The following PDS5A variants were observed in gnomAD, a reference collection of about 807,000 sequenced individuals.
The protein encoded by PDS5A is sister chromatid cohesion protein PDS5 homolog A.
In PDS5A, 42 loss-of-function variants were observed where a neutral mutation model predicts 167.1. The observed-to-expected ratio is 0.25, with a 90% CI of 0.20 to 0.33. PDS5A has a LOEUF of 0.33. Ranked by LOEUF, PDS5A falls within the 10% of genes least tolerant of loss-of-function variation. The pLI is 1.00. For synonymous variants in PDS5A, 553 were observed against 554.6 expected, an observed-to-expected ratio of 1.00 and a Z score of 0.04; for missense variants, 1,033 against 1,605.9, an observed-to-expected ratio of 0.64 and a Z score of 6.10.
Position 39,844,784 on chromosome 4 carries a change from T to C in PDS5A, c.3420A>G (p.Val1140=), listed in dbSNP as rs748206316. The C allele has an allele frequency of 6.2e-7, 1 of 1,607,932 alleles. No individual in the cohort carries two copies. Among genetic ancestry groups the C allele is most frequent in the South Asian group, 1.1e-5 (1 of 89,628 alleles). ...ATAAAGGCTTATTTACTGCACCTAG[T>C]ACTCCAGCAGGCTTTGGCTAAAAAC... ...LLTGKPKPAG[V]LGAVNKPLSA... Residue 1140 remains valine, a synonymous_variant, in exon 30 of 33, where the codon GTA becomes GTG. Transcript: ENST00000303538.
intron 21 of PDS5A, among the ~76,000 whole-genome samples, chr4:39,870,533 A>G (rs1488463800): frequency 6.6e-6 from 1 of 152,086 alleles, no homozygotes; most frequent in African/African-American, 2.4e-5. Flanking sequence ...GGTTGTGATG[A>G]GCCAAGGTTG....
chr4:39,952,086 T>C (rs1427187497), intron 2 of PDS5A, among the ~76,000 whole-genome samples: 1 of 151,858 alleles, frequency 6.6e-6, no homozygotes, highest in Non-Finnish European at 1.5e-5. Context: ...TCCCAGAACT[T>C]TGGGAGGCAG....
chr4:39,854,720 G>T (rs1166833853), intron 26 of PDS5A, among the ~76,000 whole-genome samples: 3 of 152,166 alleles, frequency 2.0e-5, no homozygotes, highest in East Asian at 1.9e-4. Context: ...AACCTTAAGG[G>T]AATATATATG....
chr4:39,893,770 C>T (rs1374722837), intron 16 of PDS5A, among the ~76,000 whole-genome samples: 1 of 152,144 alleles, frequency 6.6e-6, no homozygotes, highest in Admixed American at 6.5e-5. Context: ...CGTATGAGAA[C>T]ACATAGTTAA....
intron 2 of PDS5A, among the ~76,000 whole-genome samples, chr4:39,962,166 T>G (rs1560521497): frequency 6.6e-6 from 1 of 152,080 alleles, no homozygotes. Flanking sequence ...CACGGCATTC[T>G]CCTGCCTCCA....
intron 29 of PDS5A, among the ~76,000 whole-genome samples, 184 bp from the exon 30 acceptor site, chr4:39,844,985 A>C (rs1717458086): frequency 6.6e-6 from 1 of 152,196 alleles, no homozygotes; most frequent in Admixed American, 6.5e-5. Flanking sequence ...TGGGAGGTGG[A>C]TCACTTGAGG....
chr4:39,907,312 A>G (rs1332639946), intron 11 of PDS5A, among the ~76,000 whole-genome samples: 1 of 152,218 alleles, frequency 6.6e-6, no homozygotes, highest in Admixed American at 6.5e-5. Flanking sequence ...GACAATTTTA[A>G]AAGTAAAAAC....
intron 2 of PDS5A, among the ~76,000 whole-genome samples, chr4:39,946,605 T>TA (rs1347514120): frequency 6.6e-6 from 1 of 152,182 alleles, no homozygotes; most frequent in African/African-American, 2.4e-5. Context: ...GACATGTTAC[T>TA]AATTACCTTA....
rs145551680 is a variant in PDS5A, at chr4:39,875,291, T to C, written c.2154-879A>G. Among the ~76,000 whole-genome samples, 957 of 152,290 alleles carry C rather than the reference T, an allele frequency of 6.3e-3. 5 individuals carry two copies. Among genetic ancestry groups the C allele is most frequent in the Non-Finnish European group, 0.011 (755 of 67,994 alleles). On this transcript the variant is annotated intron_variant, in intron 19 of 32. Coordinates refer to ENST00000303538, the MANE Select transcript of PDS5A (RefSeq NM_001100399.2). ...CTTATAAAAAATAGACAAACACATC[T>C]AGTAGATGAACATTCATAGAAAGTA...
chr4:39,934,785 T>C (rs971028207), intron 2 of PDS5A, among the ~76,000 whole-genome samples: 5 of 152,052 alleles, frequency 3.3e-5, no homozygotes, highest in Admixed American at 2.0e-4. Flanking sequence ...TAAATATTTT[T>C]TTGAGACAAA....
At chr4:39,874,811 G>C (rs1720330772) in intron 19 of PDS5A, among the ~76,000 whole-genome samples, 1 of 152,086 alleles carries the variant, frequency 6.6e-6, no homozygotes, top group Non-Finnish European at 1.5e-5. Context: ...AAAGAGAGTA[G>C]CAAAAGGCCA....
At chr4:39,906,803 A>T (rs1723390481) in intron 11 of PDS5A, among the ~76,000 whole-genome samples, 1 of 151,214 alleles carries the variant, frequency 6.6e-6, no homozygotes, top group Non-Finnish European at 1.5e-5. Flanking sequence ...TTAAGTCAAT[A>T]CTTCTTTATA....
rs556453644 is a variant in PDS5A, at chr4:39,830,478, G to A, written c.4011-4990C>T. Among the ~76,000 whole-genome samples the A allele has an allele frequency of 3.9e-5, 6 of 152,284 alleles. No homozygotes were observed. The South Asian group carries it at 1.2e-3, about 32-fold the overall frequency. ...ATCACTCTGTTGCCCAGGATGGAGT[G>A]CACTGGCAAGATCTTGGCTCACTGC... is the stretch of plus-strand genomic sequence containing the variant. On this transcript the variant is annotated intron_variant, in intron 32 of 32. Coordinates refer to ENST00000303538, the MANE Select transcript of PDS5A (RefSeq NM_001100399.2).
intron 21 of PDS5A, among the ~76,000 whole-genome samples, chr4:39,872,482 T>C (rs549741485): frequency 5.9e-5 from 9 of 152,104 alleles, no homozygotes; most frequent in East Asian, 1.9e-4. Flanking sequence ...CTGGCCAACA[T>C]AGCGAAACCC....
intron 30 of PDS5A, among the ~76,000 whole-genome samples, chr4:39,843,119 C>G (rs935811023): frequency 2.6e-4 from 39 of 151,516 alleles, no homozygotes; most frequent in Non-Finnish European, 5.7e-4. Flanking sequence ...CAGTGATTAT[C>G]CTTCCTCGGC....
chr4:39,837,450 C>T (rs116227990), intron 32 of PDS5A: 1,833 of 164,868 alleles, frequency 0.011, 16 homozygotes, highest in Non-Finnish European at 0.018. Flanking sequence ...AACTATAACA[C>T]GAAGAATTAA....
intron 30 of PDS5A, 86 bp downstream of exon 30, chr4:39,844,570 G>C: frequency 3.2e-6 from 3 of 951,322 alleles, no homozygotes; most frequent in Non-Finnish European, 4.8e-6. Context: ...AATGACAGAA[G>C]ACCATTTTAT....
intron 20 of PDS5A, 61 bp from the exon 21 acceptor site, chr4:39,873,205 G>A (rs2109574208): frequency 1.9e-6 from 2 of 1,027,092 alleles, no homozygotes; most frequent in Non-Finnish European, 2.7e-6. Context: ...ACACTCTACT[G>A]AAACAGTACA....
At chr4:39,920,884 T>A (rs1265572516) in intron 6 of PDS5A, among the ~76,000 whole-genome samples, 1 of 152,234 alleles carries the variant, frequency 6.6e-6, no homozygotes, top group African/African-American at 2.4e-5. Flanking sequence ...ATTTTTGAAA[T>A]GCTTAATACT....
Sources: allele counts gnomAD v4.1 joint callset (sites outside exome capture counted in the v4.1 genomes callset), GRCh38; gene constraint gnomAD v4.1.1; transcripts MANE v1.5; gene names NCBI Gene and HGNC (gene_info 2026-07-23, HGNC 2026-07-21).